Variants in PEMT observed in about 807,000 individuals in gnomAD.
PEMT encodes the protein phospholipid methyltransferase.
A neutral mutation model predicts 27.4 loss-of-function variants in PEMT; 23 were observed. The observed-to-expected ratio is 0.84, with a 90% CI of 0.60 to 1.19. The LOEUF (loss-of-function observed/expected upper bound fraction) is 1.19. PEMT is among the 50% of genes most tolerant of loss of function. The pLI is 0.00. For synonymous variants in PEMT, 137 were observed against 139.1 expected (o/e 0.98, Z 0.11); for missense variants, 307 against 310.1 (o/e 0.99, Z 0.07).
At chr17:17,585,908 C>T (rs1006133109) in intron 1 of PEMT, among the ~76,000 whole-genome samples, 3 of 151,692 alleles carry the variant, frequency 2.0e-5, no homozygotes, top group Admixed American at 6.6e-5. Context: ...CGGTGAAACC[C>T]CGTCTCTACT....
chr17:17,563,622 T>G (rs929885470), intron 2 of PEMT, among the ~76,000 whole-genome samples: 1 of 152,222 alleles, frequency 6.6e-6, no homozygotes, highest in South Asian at 2.1e-4. Flanking sequence ...ATTGCTTTAT[T>G]ACAACCATGC....
chr17:17,586,246 AAG>A (rs1257986745), intron 1 of PEMT, among the ~76,000 whole-genome samples: 2 of 108,024 alleles, frequency 1.9e-5, no homozygotes, highest in African/African-American at 8.8e-5. Flanking sequence ...GAAAGAAAGA[AAG>A]AAAGAAAGAA....
At chr17:17,571,404 C>T (rs951993918) in intron 2 of PEMT, among the ~76,000 whole-genome samples, 2 of 151,942 alleles carry the variant, frequency 1.3e-5, no homozygotes, top group Non-Finnish European at 2.9e-5. Context: ...CTCCCATGGT[C>T]TGAACAAGGA....
chr17:17,534,894 G>C (rs2007917386), intron 2 of PEMT, among the ~76,000 whole-genome samples: 1 of 143,344 alleles, frequency 7.0e-6, no homozygotes, highest in South Asian at 2.2e-4. Context: ...CCTCTATAAG[G>C]CTATTTTATT....
intron 1 of PEMT, among the ~76,000 whole-genome samples, chr17:17,590,980 C>T (rs1912554764): frequency 6.6e-6 from 1 of 152,154 alleles, no homozygotes; most frequent in Admixed American, 6.5e-5. Flanking sequence ...GCAGCCTGCC[C>T]AGGGCCGGCT....
Position 17,540,646 on chromosome 17 carries a change from G to A in PEMT, c.205-18251C>T, listed in dbSNP as rs578121357. Reference sequence around the variant, plus strand: ...GGATGAGAGGCCCCAGGCAGGCTCCGCCCCTCCCCATGCTGCCCCTCTCCA... The same window carrying A: ...GGATGAGAGGCCCCAGGCAGGCTCCACCCCTCCCCATGCTGCCCCTCTCCA... On this transcript the variant is annotated intron_variant, in intron 2 of 6. Coordinates refer to ENST00000255389, the MANE Select transcript of PEMT (RefSeq NM_148172.3). Among the ~76,000 whole-genome samples the A allele has an allele frequency of 4.3e-4, 65 of 152,246 alleles. 1 individual carries two copies. In the South Asian group the frequency reaches 5.2e-3, roughly 12 times the overall value.
At chr17:17,588,666 G>A (rs1250249521) in intron 1 of PEMT, among the ~76,000 whole-genome samples, 1 of 152,220 alleles carries the variant, frequency 6.6e-6, no homozygotes, top group African/African-American at 2.4e-5. Flanking sequence ...ACCTGGGCAT[G>A]TGCCCTTGCT....
chr17:17,571,078 C>T (rs1355386957), intron 2 of PEMT, among the ~76,000 whole-genome samples: 1 of 152,164 alleles, frequency 6.6e-6, no homozygotes, highest in African/African-American at 2.4e-5. Flanking sequence ...GAGGGAAAAG[C>T]CTGTCAGTCC....
At chr17:17,575,933 G>A (rs1041886124) in intron 2 of PEMT, among the ~76,000 whole-genome samples, 1 of 152,220 alleles carries the variant, frequency 6.6e-6, no homozygotes, top group African/African-American at 2.4e-5. Flanking sequence ...AACATGTCCT[G>A]TTCTGCCCTG....
At chr17:17,572,018 C>T (rs1597952058) in intron 2 of PEMT, among the ~76,000 whole-genome samples, 1 of 152,314 alleles carries the variant, frequency 6.6e-6, no homozygotes, top group Non-Finnish European at 1.5e-5. Context: ...CTGTCTGGAG[C>T]CCAAGGACAT....
chr17:17,590,537 ATCTC>A (rs1195185250), intron 1 of PEMT, among the ~76,000 whole-genome samples: 1 of 152,176 alleles, frequency 6.6e-6, no homozygotes, highest in East Asian at 1.9e-4. Context: ...CAGGCCTACA[ATCTC>A]CCTCCCTAGA....
chr17:17,588,501 G>A lies in PEMT; in HGVS notation c.96+3030C>T, dbSNP rs762168981. Among the ~76,000 whole-genome samples, 3 of 152,060 alleles carry A rather than the reference G, an allele frequency of 2.0e-5. No individual in the cohort carries two copies. In the East Asian group the frequency reaches 5.8e-4, roughly 29 times the overall value. ...GACCACCCTTAGGTGGGCTGCACTCGATACTTCATAAAGCTTTACACCCCT... is the reference window on the plus strand; with the variant it reads ...GACCACCCTTAGGTGGGCTGCACTCAATACTTCATAAAGCTTTACACCCCT... On this transcript the variant is annotated intron_variant, in intron 1 of 6. Coordinates refer to ENST00000255389, the MANE Select transcript of PEMT (RefSeq NM_148172.3).
chr17:17,530,786 A>G (rs959296242), intron 2 of PEMT, among the ~76,000 whole-genome samples: 2 of 152,188 alleles, frequency 1.3e-5, no homozygotes, highest in African/African-American at 2.4e-5. Flanking sequence ...TAAAAGTGGT[A>G]CAAAAATGAA....
At chr17:17,572,158 C>T (rs927037661) in intron 2 of PEMT, among the ~76,000 whole-genome samples, 1 of 152,254 alleles carries the variant, frequency 6.6e-6, no homozygotes, top group African/African-American at 2.4e-5. Context: ...CAAGCCACCT[C>T]TCTCAGCTCT....
chr17:17,582,566 G>T lies in PEMT; in HGVS notation c.97-5539C>A. 3.5e-6 allele frequency: 1 copy of T among 284,236 alleles called. No individual in the cohort carries two copies. Among genetic ancestry groups the T allele is most frequent in the Non-Finnish European group, 5.3e-6 (1 of 188,946 alleles). 17.6% of individuals were successfully genotyped at this position (284,236 alleles called of 1,614,324 possible). A position where few individuals can be genotyped will look rare whatever the true frequency, so the allele number is the denominator to read the frequency against. On this transcript the variant is annotated intron_variant, in intron 1 of 6. Coordinates refer to ENST00000255389, the MANE Select transcript of PEMT (RefSeq NM_148172.3). The surrounding 1 kb of genome is among the most constrained non-coding windows in gnomAD (Gnocchi z 4.9). ...GGCAGGGGAATGGGTGGGGGCTGCT[G>T]GAGAGGGGACAGGTCCTCCTGGGAT...
intron 2 of PEMT, among the ~76,000 whole-genome samples, chr17:17,551,600 C>A (rs1909659473): frequency 6.6e-6 from 1 of 152,172 alleles, no homozygotes; most frequent in African/African-American, 2.4e-5. Flanking sequence ...TCACAGGATG[C>A]CCCGAACAGC....
rs70965423 is a variant in PEMT, at chr17:17,507,208, A to G, written c.579-907T>C. 16,923 of 1,551,492 alleles carry G rather than the reference A, an allele frequency of 0.011. 1,474 individuals are homozygous for G. In the African/African-American group the frequency reaches 0.2, roughly 18 times the overall value. On this transcript the variant is annotated intron_variant, in intron 5 of 6. Coordinates refer to ENST00000255389, the MANE Select transcript of PEMT (RefSeq NM_148172.3). The stretch of plus-strand genomic sequence containing the variant: ...CTCCCGCAGGTGCTGGGCTGCTGCC[A>G]GGGAGGAGGGAGGGAGGGAGGAAGA...
At chr17:17,547,860 T>G (rs1410788986) in intron 2 of PEMT, among the ~76,000 whole-genome samples, 1 of 152,080 alleles carries the variant, frequency 6.6e-6, no homozygotes, top group Non-Finnish European at 1.5e-5. Context: ...AACACGCTAG[T>G]GAGGGGCATG....
intron 1 of PEMT, chr17:17,578,503 T>C (rs138175950): frequency 1.6e-3 from 246 of 152,170 alleles, no homozygotes; most frequent in African/African-American, 5.4e-3. Context: ...AAATAAACAA[T>C]TAATTAATTT....
Sources: gnomAD v4.1 joint callset for allele counts (sites outside exome capture counted in the v4.1 genomes callset) on GRCh38, gnomAD v4.1.1 for gene constraint, Gnocchi (gnomAD v3.1) non-coding constraint, MANE v1.5 for transcripts, NCBI Gene and HGNC (gene_info 2026-07-23, HGNC 2026-07-21) for gene names.